The following ZSCAN5A variants were observed in gnomAD, a reference collection of about 807,000 sequenced individuals.
ZSCAN5A encodes the protein zinc finger and SCAN domain-containing protein 5A.
ZSCAN5A carries 12 observed loss-of-function variants against 23.7 expected under a neutral mutation model. The ratio of observed to expected loss-of-function variants is 0.51; its 90% CI spans 0.32 to 0.82. The LOEUF (loss-of-function observed/expected upper bound fraction) is 0.82. ZSCAN5A is among the 40% of genes least tolerant of loss of function. ZSCAN5A has a pLI of 0.03. For missense variants in ZSCAN5A, 597 were observed against 617.9 expected (o/e 0.97, Z 0.36); for synonymous variants, 257 against 239.9 (o/e 1.07, Z -0.66).
intron 2 of ZSCAN5A, among the ~76,000 whole-genome samples, chr19:56,234,122 T>C (rs766751664): frequency 6.6e-6 from 1 of 152,148 alleles, no homozygotes; most frequent in Non-Finnish European, 1.5e-5. Flanking sequence ...GTGTGTGGGA[T>C]AGCAGCCAAT....
chr19:56,224,715 C>T lies in ZSCAN5A; in HGVS notation c.332G>A (p.Ser111Asn), dbSNP rs1166742592. ...QVLVMMNGVQ[S>N]CKDLEDLLRN... ...TAGCAGGTCCTCCAGGTCTTTGCAGCTCTGCACACCGTTCATCATGACTAA... is the reference window on the plus strand; with the variant it reads ...TAGCAGGTCCTCCAGGTCTTTGCAGTTCTGCACACCGTTCATCATGACTAA... Residue 111 changes from serine to asparagine, a missense_variant, in exon 3 of 6, where the codon AGC becomes AAC. Physicochemically the swap from Ser to Asn is conservative, Grantham distance 46. Transcript: ENST00000683990. 2 of 1,574,382 alleles carry T rather than the reference C, an allele frequency of 1.3e-6. No homozygotes were observed. The highest frequency in any genetic ancestry group is 1.7e-6 in the Non-Finnish European group (2 of 1,158,122).
chr19:56,333,130 A>G (rs1478287954), intron 2 of ZSCAN5A, among the ~76,000 whole-genome samples: 1 of 151,368 alleles, frequency 6.6e-6, no homozygotes, highest in Non-Finnish European at 1.5e-5. Context: ...TGTGGTGACT[A>G]TGTCTTGGTG....
chr19:56,333,540 TA>T (rs1240440275), intron 2 of ZSCAN5A, among the ~76,000 whole-genome samples: 1 of 152,086 alleles, frequency 6.6e-6, no homozygotes, highest in Non-Finnish European at 1.5e-5. Context: ...CTTCATTTAC[TA>T]GATTGCTGTA....
chr19:56,246,597 G>C lies in ZSCAN5A; in HGVS notation c.-127-21424C>G, dbSNP rs978186738. The stretch of plus-strand genomic sequence containing the variant: ...AAGCCTCTCCATCCCTTACTCTCCA[G>C]AGACCTACGGTCCAATGTCTTAGGT... On this transcript the variant is annotated intron_variant, in intron 2 of 5. Transcript: ENST00000683990. 1.0e-5 allele frequency: 7 copies of C among 667,356 alleles called. No individual in the cohort carries two copies. The African/African-American group carries it at 1.3e-4, about 12-fold the overall frequency. The allele number at this position is 667,356 out of a possible 1,614,324, so 41.3% of individuals were successfully genotyped here.
chr19:56,283,992 G>C (rs1386904928), intron 2 of ZSCAN5A: 1 of 156,382 alleles, frequency 6.4e-6, no homozygotes, highest in Non-Finnish European at 1.4e-5. Flanking sequence ...TAATCTCACA[G>C]CGTTCTGAGT....
intron 2 of ZSCAN5A, among the ~76,000 whole-genome samples, chr19:56,355,710 G>C (rs2041696998): frequency 6.7e-6 from 1 of 148,884 alleles, no homozygotes; most frequent in African/African-American, 2.5e-5. Flanking sequence ...AGCGCAGTTT[G>C]TGTGTGTTTA....
intron 2 of ZSCAN5A, chr19:56,304,716 G>A (rs950692045): frequency 1.2e-6 from 1 of 852,446 alleles, no homozygotes; most frequent in Non-Finnish European, 1.4e-6. Flanking sequence ...TGGGGAGAAA[G>A]GGAGGTAAGG....
At chr19:56,234,212 C>T (rs114212060) in intron 2 of ZSCAN5A, among the ~76,000 whole-genome samples, 3,559 of 152,234 alleles carry the variant, frequency 0.023, 145 homozygotes, top group African/African-American at 0.081. Context: ...TCAAGGTCTT[C>T]CTGGTTCACA....
intron 2 of ZSCAN5A, among the ~76,000 whole-genome samples, chr19:56,280,204 T>C (rs1161157794): frequency 3.3e-5 from 5 of 152,248 alleles, no homozygotes; most frequent in African/African-American, 4.8e-5. Flanking sequence ...CTGTTCTGTA[T>C]GCACCTTACT....
At chr19:56,231,118 C>T (rs2034427005) in intron 2 of ZSCAN5A, among the ~76,000 whole-genome samples, 1 of 152,198 alleles carries the variant, frequency 6.6e-6, no homozygotes, top group Non-Finnish European at 1.5e-5. Context: ...GAGTCTGAGG[C>T]AGAAGAATTG....
rs2033559576 is a variant in ZSCAN5A at position 56,223,671 on chromosome 19, A to T, written c.548T>A (p.Leu183Gln). 6.2e-7 allele frequency: 1 copy of T among 1,610,696 alleles called. No homozygotes were observed. The highest frequency in any genetic ancestry group is 8.5e-7 in the Non-Finnish European group (1 of 1,179,228). The change falls in exon 4 of 6, where the codon CTG (leucine) becomes CAG (glutamine). Residue 183 changes from leucine to glutamine, a missense_variant. Leu to Gln is a moderately radical substitution (Grantham distance 113). This residue lies in a region of ZSCAN5A where 406 missense variants were observed against 353.2 expected (regional missense o/e 1.15). Coordinates refer to ENST00000683990, the MANE Select transcript of ZSCAN5A (RefSeq NM_001322064.3). ...RPGEGQAHRE[L>Q]QILPRVPALS... The stretch of plus-strand genomic sequence containing the variant: ...TGCAGGGACCCTGGGCAGGATCTGC[A>T]GCTCTCGGTGGGCCTGGCCTTCCCC...
intron 5 of ZSCAN5A, 73 bp downstream of exon 5, chr19:56,222,518 T>A (rs1420343981): frequency 2.5e-6 from 4 of 1,572,712 alleles, no homozygotes; most frequent in Non-Finnish European, 3.4e-6. Flanking sequence ...CAGGGGATGA[T>A]AATGCTGGGC....
chr19:56,358,480 G>A (rs1296367488), intron 2 of ZSCAN5A, among the ~76,000 whole-genome samples: 1 of 150,778 alleles, frequency 6.6e-6, no homozygotes, highest in East Asian at 1.9e-4. Context: ...ATAATAGCGG[G>A]AGACTTTAAT....
chr19:56,321,531 C>CT, intron 2 of ZSCAN5A: 1 of 733,548 alleles, frequency 1.4e-6, no homozygotes, highest in South Asian at 1.5e-5. Context: ...CTTTCGCTGT[C>CT]TGTCTGGGTG....
chr19:56,292,053 G>A (rs188951148), intron 2 of ZSCAN5A, among the ~76,000 whole-genome samples: 6 of 152,224 alleles, frequency 3.9e-5, no homozygotes, highest in Admixed American at 6.5e-5. Context: ...GCATCCCAGT[G>A]GTGACGGTGG....
rs3059506 is a variant in ZSCAN5A at position 56,276,506 on chromosome 19, C to CT, written c.-128+36776dup. Among the ~76,000 whole-genome samples the CT allele has an allele frequency of 8.1e-4, 113 of 139,698 alleles. 1 individual carries two copies. The highest frequency in any genetic ancestry group is 2.1e-3 in the East Asian group (10 of 4,856). 91.6% of individuals were successfully genotyped at this position (139,698 alleles called of 152,430 possible). A position where few individuals can be genotyped will look rare whatever the true frequency, so the allele number is the denominator to read the frequency against. On this transcript the variant is annotated intron_variant, in intron 2 of 5. Coordinates refer to ENST00000683990, the MANE Select transcript of ZSCAN5A (RefSeq NM_001322064.3). ...AAAATTATTAAGGATCTAAAGAGCT[C>CT]TTTTTTTTTTTTTCCAGTGAGGGTT...
intron 2 of ZSCAN5A, chr19:56,228,394 G>C: frequency 1.0e-6 from 1 of 985,332 alleles, no homozygotes; most frequent in Non-Finnish European, 1.2e-6. Context: ...ATTGGTTTAG[G>C]GCCATAGAGT....
chr19:56,276,240 G>A (rs1427695609), intron 2 of ZSCAN5A, among the ~76,000 whole-genome samples: 2 of 152,140 alleles, frequency 1.3e-5, no homozygotes, highest in Non-Finnish European at 2.9e-5. Flanking sequence ...CCTGCCATGG[G>A]GTCTGGACAT....
intron 2 of ZSCAN5A, among the ~76,000 whole-genome samples, chr19:56,238,051 T>TA (rs1255599117): frequency 1.8e-4 from 1 of 5,542 alleles, no homozygotes; most frequent in East Asian, 5.0e-3. Context: ...AGTCGTGGCA[T>TA]ATGTGTCTAG....
Sources: gnomAD v4.1 joint callset for allele counts (sites outside exome capture counted in the v4.1 genomes callset) on GRCh38, gnomAD v4.1.1 for gene constraint, gnomAD v4.1.1 regional missense constraint, MANE v1.5 for transcripts, NCBI Gene and HGNC (gene_info 2026-07-23, HGNC 2026-07-21) for gene names.